Variants in CDH2 observed in about 807,000 individuals in gnomAD.
CDH2 encodes cadherin 2, also known as cadherin-2.
CDH2 carries 17 observed loss-of-function variants against 92.0 expected under a neutral mutation model. The observed-to-expected ratio is 0.18, with a 90% confidence interval of 0.13 to 0.28. The LOEUF (loss-of-function observed/expected upper bound fraction) is 0.28, where lower values mean the gene tolerates loss of function less well. Ranked by LOEUF, CDH2 falls within the 10% of genes least tolerant of loss-of-function variation. CDH2 has a pLI of 1.00. For missense variants in CDH2, 862 were observed against 1,133.1 expected, an observed-to-expected ratio of 0.76 and a Z score of 3.44; for synonymous variants, 419 against 415.9, an observed-to-expected ratio of 1.01 and a Z score of -0.09.
At chr18:28,028,121 A>C (rs1278331816) in intron 2 of CDH2, among the ~76,000 whole-genome samples, 2 of 152,068 alleles carry the variant, frequency 1.3e-5, no homozygotes, top group Non-Finnish European at 2.9e-5. Context: ...CTCATAACAG[A>C]CATTTTGCTA....
chr18:28,115,121 AC>A (rs1158615597), intron 2 of CDH2, among the ~76,000 whole-genome samples: 1 of 152,072 alleles, frequency 6.6e-6, no homozygotes, highest in East Asian at 1.9e-4. Context: ...GGAGTCTTCA[AC>A]CTGTCCTTAA....
At chr18:28,016,759 A>G (rs2013259836) in intron 2 of CDH2, among the ~76,000 whole-genome samples, 1 of 152,216 alleles carries the variant, frequency 6.6e-6, no homozygotes, top group African/African-American at 2.4e-5. Flanking sequence ...AAACAATAAA[A>G]TTAACAAAAA....
At position 28,043,890 on chromosome 18, in the gene CDH2, A is replaced by ATTTTTTTTTT. The variant is rs67532914; in HGVS notation, c.173-29991_173-29982dup. Among the ~76,000 whole-genome samples, 74 of 91,456 alleles carry ATTTTTTTTTT rather than the reference A, an allele frequency of 8.1e-4. 6 individuals are homozygous for ATTTTTTTTTT. The highest frequency in any genetic ancestry group is 1.2e-3 in the Non-Finnish European group (57 of 45,998). 60.0% of individuals were successfully genotyped at this position (91,456 alleles called of 152,430 possible). On this transcript the variant is annotated intron_variant, in intron 2 of 15. Transcript: ENST00000269141. ...AGTCTCATCTTTCTCAGAATCTCGG[A>ATTTTTTTTTT]TTTTTTTTTTTTTTTTTTTTTTTTT...
rs2015914369 is a variant in CDH2 at position 28,139,260 on chromosome 18, TAGTA to T, written c.172+8409_172+8412del. Among the ~76,000 whole-genome samples the T allele has an allele frequency of 8.6e-5, 13 of 151,990 alleles. No individual in the cohort carries two copies. The South Asian group carries it at 2.3e-3, about 27-fold the overall frequency. ...TCTAGCCTAGTCGCTGATATTGTCT[TAGTA>T]AGTGTCTCCCCTCTTCTGCACCATC... is the stretch of plus-strand genomic sequence containing the variant. On this transcript the variant is annotated intron_variant, in intron 2 of 15. Transcript: ENST00000269141.
At chr18:28,046,320 G>GA (rs2014074616) in intron 2 of CDH2, among the ~76,000 whole-genome samples, 1 of 151,926 alleles carries the variant, frequency 6.6e-6, no homozygotes. Flanking sequence ...TAAACTTTTA[G>GA]AAAAAATCTG....
At chr18:28,113,804 A>G (rs2015451815) in intron 2 of CDH2, among the ~76,000 whole-genome samples, 1 of 152,192 alleles carries the variant, frequency 6.6e-6, no homozygotes, top group Admixed American at 6.6e-5. Context: ...TAATGTATAT[A>G]AAGTTACACT....
At chr18:28,099,094 C>T (rs951467042) in intron 2 of CDH2, among the ~76,000 whole-genome samples, 1 of 152,070 alleles carries the variant, frequency 6.6e-6, no homozygotes, top group Non-Finnish European at 1.5e-5. Flanking sequence ...GTAAATTTAT[C>T]ATGCATCAAT....
At chr18:28,091,188 G>A (rs937187301) in intron 2 of CDH2, among the ~76,000 whole-genome samples, 1 of 152,070 alleles carries the variant, frequency 6.6e-6, no homozygotes, top group Non-Finnish European at 1.5e-5. Context: ...GTTTTGTTTT[G>A]TTTTTTTCCT....
intron 2 of CDH2, among the ~76,000 whole-genome samples, chr18:28,132,395 T>G (rs2015787178): frequency 6.6e-6 from 1 of 152,196 alleles, no homozygotes; most frequent in African/African-American, 2.4e-5. Flanking sequence ...CCACTCTGCC[T>G]GGAAGTGGAT....
At chr18:28,040,262 T>C (rs868835886) in intron 2 of CDH2, among the ~76,000 whole-genome samples, 13 of 152,138 alleles carry the variant, frequency 8.5e-5, no homozygotes, top group African/African-American at 2.7e-4. Context: ...ATGATCAAGA[T>C]AGTAATAGTA....
chr18:27,946,204 C>A (rs1430835710), downstream of CDH2, among the ~76,000 whole-genome samples: 1 of 151,958 alleles, frequency 6.6e-6, no homozygotes, highest in African/African-American at 2.4e-5. Context: ...ACATTAGTAT[C>A]TGAAAAACAA....
rs150312643 is a variant in CDH2 at position 27,944,196 on chromosome 18, A to C, written c.1152-11072T>G. On this transcript the variant is annotated intron_variant, in intron 6 of 6. Transcript: ENST00000675173. Reference sequence around the variant, plus strand: ...AAAAGCAGCAAACTCTAAAATTTCAATATGCAAACTACCTTTCTCACAAAG... The same window carrying C: ...AAAAGCAGCAAACTCTAAAATTTCACTATGCAAACTACCTTTCTCACAAAG... 2.3e-3 allele frequency among the ~76,000 whole-genome samples: 349 copies of C among 152,328 alleles called. 1 individual carries two copies. Among genetic ancestry groups the C allele is most frequent in the African/African-American group, 8.1e-3 (337 of 41,580 alleles).
chr18:28,015,844 G>T (rs895348600), intron 2 of CDH2, among the ~76,000 whole-genome samples: 2 of 152,156 alleles, frequency 1.3e-5, no homozygotes, highest in African/African-American at 4.8e-5. Context: ...TTATATGTCA[G>T]ATCTTTAACC....
chr18:27,940,277 T>C (rs187229125), intron 6 of CDH2, among the ~76,000 whole-genome samples: 1 of 152,316 alleles, frequency 6.6e-6, no homozygotes, highest in Admixed American at 6.5e-5. Flanking sequence ...ACAATACTTT[T>C]AGGCAAATCC....
In CDH2 at chr18:28,155,604, G is replaced by A. The variant is rs117905482; in HGVS notation, c.61-7820C>T. ...GATGGAGCCGCAGTACAGGGAGGGT[G>A]ACAACTATGGTAATACTTTTATTAT... On this transcript the variant is annotated intron_variant, in intron 1 of 15. Transcript: ENST00000269141. Among the ~76,000 whole-genome samples, 683 of 152,252 alleles carry A rather than the reference G, an allele frequency of 4.5e-3. 4 individuals carry two copies. The highest frequency in any genetic ancestry group is 6.9e-3 in the Non-Finnish European group (470 of 68,018).
intron 2 of CDH2, among the ~76,000 whole-genome samples, chr18:28,136,502 T>C (rs1175481186): frequency 6.6e-6 from 1 of 152,100 alleles, no homozygotes; most frequent in African/African-American, 2.4e-5. Flanking sequence ...GAAATAAATA[T>C]TCAAATATTT....
intron 1 of CDH2, among the ~76,000 whole-genome samples, chr18:28,157,952 G>C (rs1195570411): frequency 2.6e-5 from 4 of 152,112 alleles, no homozygotes; most frequent in African/African-American, 9.7e-5. Context: ...AGGTGATATT[G>C]ATGAAGGAAT....
At chr18:28,088,924 C>T (rs1055670637) in intron 2 of CDH2, among the ~76,000 whole-genome samples, 3 of 152,092 alleles carry the variant, frequency 2.0e-5, no homozygotes, top group Non-Finnish European at 4.4e-5. Context: ...GGAAACAAAT[C>T]TGACTTGAAA....
chr18:28,005,074 C>T (rs1292203955), intron 6 of CDH2, among the ~76,000 whole-genome samples: 1 of 152,190 alleles, frequency 6.6e-6, no homozygotes, highest in Non-Finnish European at 1.5e-5. Flanking sequence ...CACGCCATCT[C>T]AGGAAGCCTG....
Sources: gnomAD v4.1 joint callset for allele counts (sites outside exome capture counted in the v4.1 genomes callset) on GRCh38, gnomAD v4.1.1 for gene constraint, MANE v1.5 for transcripts, NCBI Gene and HGNC (gene_info 2026-07-23, HGNC 2026-07-21) for gene names.